The following ATP8A1 variants were observed in gnomAD, a reference collection of about 807,000 sequenced individuals.
ATP8A1 encodes ATPase phospholipid transporting 8A1, also known as phospholipid-transporting ATPase IA.
In ATP8A1, 90 loss-of-function variants were observed where a neutral mutation model predicts 177.7. The observed-to-expected ratio is 0.51, with a 90% CI of 0.43 to 0.60. ATP8A1 has a LOEUF of 0.60. Among genes scored for constraint, ATP8A1 ranks in the 20% least tolerant of loss-of-function variants. ATP8A1 has a pLI of 0.00. For synonymous variants in ATP8A1, 493 were observed against 485.9 expected, an observed-to-expected ratio of 1.01 and a Z score of -0.19; for missense variants, 1,072 against 1,392.8, an observed-to-expected ratio of 0.77 and a Z score of 3.67.
At chr4:42,580,975 A>G (rs1732976041) in intron 10 of ATP8A1, among the ~76,000 whole-genome samples, 1 of 152,226 alleles carries the variant, frequency 6.6e-6, no homozygotes, top group African/African-American at 2.4e-5. Context: ...ATTACAAGAC[A>G]AATGTTTTAA....
chr4:42,424,482 G>A (rs893890190), intron 33 of ATP8A1, among the ~76,000 whole-genome samples: 3 of 152,052 alleles, frequency 2.0e-5, no homozygotes, highest in Admixed American at 6.6e-5. Context: ...ATCCATATAT[G>A]TATTGTTCTA....
chr4:42,522,428 A>C lies in ATP8A1; in HGVS notation c.1808-129T>G, dbSNP rs988612347. The C allele has an allele frequency of 5.6e-6, 6 of 1,077,476 alleles. No homozygotes were observed. In the Admixed American group the frequency reaches 1.5e-4, roughly 28 times the overall value. The allele number at this position is 1,077,476 out of a possible 1,614,324, so 66.7% of individuals were successfully genotyped here. ...CCATACAAACAATATGATGAAGTCC[A>C]ATTAAATTATGACAAAAACTTAGTA... On this transcript the variant is annotated intron_variant, in intron 21 of 36. Transcript: ENST00000381668.
Position 42,584,684 on chromosome 4 carries a change from T to C in ATP8A1, c.722+1665A>G, listed in dbSNP as rs376408611. ...TCTTGGGTCTCTTCAGTTTTCTGTC[T>C]ATACCCTTTCATTCTCAGTTATTTC... is the stretch of plus-strand genomic sequence containing the variant. On this transcript the variant is annotated intron_variant, in intron 9 of 36. Coordinates refer to ENST00000381668, the MANE Select transcript of ATP8A1 (RefSeq NM_006095.2). 5.3e-5 allele frequency among the ~76,000 whole-genome samples: 8 copies of C among 152,354 alleles called. No individual in the cohort carries two copies. In the South Asian group the frequency reaches 1.0e-3, roughly 20 times the overall value.
At chr4:42,504,839 C>T (rs1724207957) in intron 23 of ATP8A1, among the ~76,000 whole-genome samples, 1 of 152,254 alleles carries the variant, frequency 6.6e-6, no homozygotes, top group Admixed American at 6.5e-5. Context: ...GAGGCCCCGT[C>T]CACCCTGGAC....
Position 42,562,421 on chromosome 4 carries a change from G to GCTC in ATP8A1, c.1341-6384_1341-6382dup, listed in dbSNP as rs776394303. 1.1e-3 allele frequency: 173 copies of GCTC among 155,208 alleles called. 1 individual carries two copies. The highest frequency in any genetic ancestry group is 2.0e-3 in the Non-Finnish European group (141 of 70,432). The allele number at this position is 155,208 out of a possible 1,614,324, so 9.6% of individuals were successfully genotyped here. ...GGGACCCACTGCTGCTGCTGCTGCT[G>GCTC]CTCCTGGGACCTCTGGCCTTGGGAC... On this transcript the variant is annotated intron_variant, in intron 15 of 36. Coordinates refer to ENST00000381668, the MANE Select transcript of ATP8A1 (RefSeq NM_006095.2).
intron 34 of ATP8A1, among the ~76,000 whole-genome samples, chr4:42,423,137 TATC>T (rs1714186679): frequency 1.3e-5 from 2 of 152,158 alleles, no homozygotes; most frequent in Admixed American, 1.3e-4. Flanking sequence ...TTTAAATAAA[TATC>T]ATGTAATTAA....
At chr4:42,481,399 T>C (rs1443482813) in intron 25 of ATP8A1, among the ~76,000 whole-genome samples, 2 of 152,210 alleles carry the variant, frequency 1.3e-5, no homozygotes, top group African/African-American at 4.8e-5. Context: ...CCCTGGAAGA[T>C]AGGAATCACT....
intron 20 of ATP8A1, among the ~76,000 whole-genome samples, chr4:42,536,547 T>C (rs774301892): frequency 1.3e-5 from 2 of 152,176 alleles, no homozygotes; most frequent in African/African-American, 2.4e-5. Flanking sequence ...ACCAATCCTA[T>C]TGACACTATT....
At chr4:42,435,175 C>T (rs1176487354) in intron 33 of ATP8A1, among the ~76,000 whole-genome samples, 1 of 152,052 alleles carries the variant, frequency 6.6e-6, no homozygotes, top group Non-Finnish European at 1.5e-5. Flanking sequence ...CCTGTAATCC[C>T]AGCACTTTGG....
Position 42,552,571 on chromosome 4 carries a change from C to A in ATP8A1, c.1453G>T (p.Ala485Ser). Residue 485 changes from alanine (A) to serine (S), a missense_variant, in exon 17 of 37, where the codon GCA (alanine) becomes TCA (serine). By Grantham distance (99) the Ala-to-Ser change is moderately conservative. Transcript: ENST00000381668. ...PIICEFLTMM[A>S]VCHTAVPERE... is the part of the protein sequence containing the mutation. ...TCTGGCACTGCTGTGTGACAGACTG[C>A]CATCATTGTAAGAAATTCACATATT... is the stretch of plus-strand genomic sequence containing the variant. 2 of 1,613,534 alleles carry A rather than the reference C, an allele frequency of 1.2e-6. No individual in the cohort carries two copies. Among genetic ancestry groups the A allele is most frequent in the African/African-American group, 1.3e-5 (1 of 75,044 alleles).
In ATP8A1 at chr4:42,412,667, G is replaced by C. The variant is rs899544949; in HGVS notation, c.*249C>G. 2.5e-5 allele frequency: 9 copies of C among 364,716 alleles called. No individual in the cohort carries two copies. Among genetic ancestry groups the C allele is most frequent in the Admixed American group, 2.2e-4 (5 of 22,844 alleles). The allele number at this position is 364,716 out of a possible 1,614,324, so 22.6% of individuals were successfully genotyped here. A position where few individuals can be genotyped will look rare whatever the true frequency, so the allele number is the denominator to read the frequency against. On this transcript the variant is annotated 3_prime_UTR_variant, in exon 37 of 37. Coordinates refer to ENST00000381668, the MANE Select transcript of ATP8A1 (RefSeq NM_006095.2). ...AGAAAGCCCTCTGGCAAGATACCAG[G>C]TCATTTTCAATTTCCGTTTACAAAG...
Position 42,586,406 on chromosome 4 carries a change from TCA to T in ATP8A1, c.663_664del (p.Cys221Ter). 4 of 1,614,164 alleles carry T rather than the reference TCA, an allele frequency of 2.5e-6. No homozygotes were observed. Among genetic ancestry groups the T allele is most frequent in the Non-Finnish European group, 3.4e-6 (4 of 1,179,984 alleles). ...ATCGTAGAGATGTCTGTTTGGACTTTCACACTCAATTCTGCCAGAAATCCTCA... is the reference window on the plus strand; with the variant it reads ...ATCGTAGAGATGTCTGTTTGGACTTTCACTCAATTCTGCCAGAAATCCTCA... On this transcript the variant is annotated stop_gained and frameshift_variant, in exon 9 of 37. Coordinates refer to ENST00000381668, the MANE Select transcript of ATP8A1 (RefSeq NM_006095.2). LOFTEE classifies it high-confidence loss of function.
intron 20 of ATP8A1, among the ~76,000 whole-genome samples, chr4:42,539,308 G>A (rs574160400): frequency 7.9e-5 from 12 of 151,968 alleles, no homozygotes; most frequent in East Asian, 7.7e-4. Context: ...ATTGGGTATC[G>A]CGTACACTGC....
intron 6 of ATP8A1, among the ~76,000 whole-genome samples, chr4:42,591,687 C>T (rs1734196024): frequency 6.6e-6 from 1 of 152,066 alleles, no homozygotes; most frequent in Admixed American, 6.6e-5. Flanking sequence ...TTTCTTAACA[C>T]ATAAATGTAT....
intron 20 of ATP8A1, among the ~76,000 whole-genome samples, chr4:42,527,556 T>C (rs888714217): frequency 2.6e-5 from 4 of 152,076 alleles, no homozygotes; most frequent in African/African-American, 4.8e-5. Context: ...CCTGAAGCAG[T>C]TGCCAGGCAA....
At chr4:42,414,174 T>C (rs569479521) in intron 36 of ATP8A1, among the ~76,000 whole-genome samples, 197 of 152,384 alleles carry the variant, frequency 1.3e-3, no homozygotes, top group South Asian at 4.3e-3. Context: ...TTTTTAGATC[T>C]TGAAATGTTA....
At chr4:42,633,124 C>T (rs1577740893) in intron 1 of ATP8A1, among the ~76,000 whole-genome samples, 1 of 152,314 alleles carries the variant, frequency 6.6e-6, no homozygotes, top group East Asian at 1.9e-4. Context: ...GTGATGGTAA[C>T]TCAACATCCA....
At chr4:42,572,224 T>C (rs775395344) in intron 14 of ATP8A1, among the ~76,000 whole-genome samples, 2 of 152,210 alleles carry the variant, frequency 1.3e-5, no homozygotes, top group Non-Finnish European at 2.9e-5. Flanking sequence ...TGCTCATACA[T>C]AATAGTTCCC....
At chr4:42,508,317 G>T (rs1331317088) in intron 22 of ATP8A1, among the ~76,000 whole-genome samples, 1 of 152,078 alleles carries the variant, frequency 6.6e-6, no homozygotes, top group Non-Finnish European at 1.5e-5. Context: ...ATAAGACGGG[G>T]TTTCACCATG....
Sources: allele counts gnomAD v4.1 joint callset (sites outside exome capture counted in the v4.1 genomes callset), GRCh38; gene constraint gnomAD v4.1.1; transcripts MANE v1.5; gene names NCBI Gene and HGNC (gene_info 2026-07-23, HGNC 2026-07-21).